The following DNASE2 variants were observed in gnomAD, a reference collection of about 807,000 sequenced individuals.
DNASE2 encodes the protein deoxyribonuclease-2-alpha.
DNASE2 carries 26 observed loss-of-function variants against 29.8 expected under a neutral mutation model. The ratio of observed to expected loss-of-function variants is 0.87; its 90% CI spans 0.64 to 1.21. The LOEUF is 1.21. Among genes scored for constraint, DNASE2 ranks in the 50% most tolerant of loss-of-function variants. DNASE2 has a pLI of 0.00. For synonymous variants in DNASE2, 186 were observed against 193.5 expected (o/e 0.96, Z 0.32); for missense variants, 415 against 455.6 (o/e 0.91, Z 0.81).
intron 5 of DNASE2, 144 bp from the exon 6 acceptor site, chr19:12,876,507 T>C: frequency 7.6e-7 from 1 of 1,322,958 alleles, no homozygotes; most frequent in Non-Finnish European, 1.0e-6. Context: ...TCGCCCAGGC[T>C]AGAGTGCATT....
chr19:12,881,256 C>G, intron 1 of DNASE2, 34 bp downstream of exon 1: 1 of 1,593,126 alleles, frequency 6.3e-7, no homozygotes, highest in East Asian at 2.3e-5. Flanking sequence ...AGCCGGACCC[C>G]GGGGCGATGG....
rs758290259 is a variant in DNASE2, at chr19:12,875,538, C to T, written c.*452G>A. The T allele has an allele frequency of 1.2e-4, 21 of 172,290 alleles. No individual in the cohort carries two copies. The highest frequency in any genetic ancestry group is 2.3e-4 in the Non-Finnish European group (18 of 79,468). 10.7% of individuals were successfully genotyped at this position (172,290 alleles called of 1,614,324 possible). ...TCCCGAGGAGCTAGGACCACAGACG[C>T]GTGCCACCATGTCTGGCTAATTTTT... On this transcript the variant is annotated 3_prime_UTR_variant, in exon 6 of 6. Transcript: ENST00000222219.
chr19:12,881,022 C>A lies in DNASE2; in HGVS notation c.217G>T (p.Gly73Trp). 6.2e-7 allele frequency: 1 copy of A among 1,613,954 alleles called. No individual in the cohort carries two copies. The highest frequency in any genetic ancestry group is 8.5e-7 in the Non-Finnish European group (1 of 1,180,018). Residue 73 changes from glycine (G) to tryptophan (W), a missense_variant, in exon 2 of 6, where the codon GGG becomes TGG. Coordinates refer to ENST00000222219, the MANE Select transcript of DNASE2 (RefSeq NM_001375.3). ...GGCTGCAGGCTTCGGCCCACGGCCC[C>A]CTCCGGGCTGTTGATGAGTGCCCTG... Reference protein sequence around the residue: ...DGRALINSPEGAVGRSLQPLY... With the variant: ...DGRALINSPEWAVGRSLQPLY...
chr19:12,881,438 G>C lies in DNASE2; in HGVS notation c.-63C>G. ...GACTGCGGGGCGCTGGGTTACATCAGAGGCCAGGACTGGCACCTGGCGCCT... is the reference window on the plus strand; with the variant it reads ...GACTGCGGGGCGCTGGGTTACATCACAGGCCAGGACTGGCACCTGGCGCCT... On this transcript the variant is annotated 5_prime_UTR_variant, in exon 1 of 6. Coordinates refer to ENST00000222219, the MANE Select transcript of DNASE2 (RefSeq NM_001375.3). 3.2e-6 allele frequency: 5 copies of C among 1,545,034 alleles called. No homozygotes were observed. Among genetic ancestry groups the C allele is most frequent in the Non-Finnish European group, 4.4e-6 (5 of 1,144,816 alleles).
At chr19:12,880,689 A>C (rs1303226440) in intron 3 of DNASE2, 113 bp downstream of exon 3, 1 of 1,405,458 alleles carries the variant, frequency 7.1e-7, no homozygotes, top group African/African-American at 1.4e-5. Flanking sequence ...GTTGGGGGGA[A>C]TAGATGCCCA....
intron 5 of DNASE2, 26 bp from the exon 6 acceptor site, chr19:12,876,389 G>T: frequency 6.2e-7 from 1 of 1,606,506 alleles, no homozygotes; most frequent in South Asian, 1.1e-5. Flanking sequence ...AGAGGGCACA[G>T]GTAGGGTCAG....
chr19:12,880,132 C>T (rs1385509129), intron 3 of DNASE2, among the ~76,000 whole-genome samples: 5 of 133,930 alleles, frequency 3.7e-5, no homozygotes, highest in African/African-American at 1.4e-4. Context: ...AAAAGCCAGG[C>T]GTGGTGGGGG....
intron 5 of DNASE2, chr19:12,877,925 A>G (rs1970338535): frequency 1.0e-5 from 3 of 297,818 alleles, no homozygotes; most frequent in African/African-American, 6.6e-5. Flanking sequence ...AGCTCACTGC[A>G]GTCTGAAACT....
At chr19:12,878,625 G>T in intron 4 of DNASE2, 45 bp downstream of exon 4, 1 of 1,613,828 alleles carries the variant, frequency 6.2e-7, no homozygotes. Flanking sequence ...TCCAGGTTCT[G>T]GTCAGTAAAC....
chr19:12,878,303 G>T, intron 5 of DNASE2, 79 bp downstream of exon 5: 2 of 1,565,658 alleles, frequency 1.3e-6, no homozygotes, highest in South Asian at 2.2e-5. Flanking sequence ...CTCTACCGCT[G>T]ACTTGAACTC....
rs1263643234 is a variant in DNASE2 at position 12,881,338 on chromosome 19, G to A, written c.38C>T (p.Pro13Leu). The A allele has an allele frequency of 6.4e-7, 1 of 1,568,634 alleles. No homozygotes were observed. Among genetic ancestry groups the A allele is most frequent in the Non-Finnish European group, 8.6e-7 (1 of 1,157,858 alleles). Reference sequence around the variant, plus strand: ...CCCGTAGCAGGTCAGGGCCCCGGCGGGGACGCACAGCAGCGCTGCCAGCAG... The same window carrying A: ...CCCGTAGCAGGTCAGGGCCCCGGCGAGGACGCACAGCAGCGCTGCCAGCAG... ...PLLLAALLCV[P>L]AGALTCYGDS... is the part of the protein sequence containing the mutation. Residue 13 changes from proline (P) to leucine (L), a missense_variant, in exon 1 of 6, where the codon CCC becomes CTC. Physicochemically the swap from Pro to Leu is moderately conservative, Grantham distance 98 (BLOSUM62 -3). Coordinates refer to ENST00000222219, the MANE Select transcript of DNASE2 (RefSeq NM_001375.3).
rs770330774 is a variant in DNASE2 at position 12,880,806 on chromosome 19, C to T, written c.342G>A (p.Thr114=). The change falls in exon 3 of 6, where the codon ACG becomes ACA. Residue 114 remains threonine, a synonymous_variant. Coordinates refer to ENST00000222219, the MANE Select transcript of DNASE2 (RefSeq NM_001375.3). The stretch of plus-strand genomic sequence containing the variant: ...AGCCCCCAATCCAGGCCTCACCCTT[C>T]GTGTGCCCACGCATGGAAGAGTCCT... ...KAQDSSMRGH[T]KGVLLLDHDG... is the part of the protein sequence containing the mutation. 6 of 1,614,124 alleles carry T rather than the reference C, an allele frequency of 3.7e-6. No homozygotes were observed. The highest frequency in any genetic ancestry group is 2.7e-5 in the African/African-American group (2 of 74,940).
chr19:12,878,868 C>A, intron 3 of DNASE2, 34 bp from the exon 4 acceptor site: 1 of 1,595,826 alleles, frequency 6.3e-7, no homozygotes, highest in Non-Finnish European at 8.5e-7. Context: ...GGAGGTCGGG[C>A]GCAGTGGCTC....
At chr19:12,880,465 CTGGCCAACA>C (rs1453457333) in intron 3 of DNASE2, among the ~76,000 whole-genome samples, 2 of 152,154 alleles carry the variant, frequency 1.3e-5, no homozygotes, top group East Asian at 3.9e-4. Context: ...CGAGACCAGC[CTGGCCAACA>C]TGGTGAAACC....
chr19:12,878,937 G>C lies in DNASE2; in HGVS notation c.347-103C>G, dbSNP rs1005504433. ...ACACACAGATCACCTGAGGTCAGGA[G>C]TTAGAAATCAGCCTGGCCAACATGG... is the stretch of plus-strand genomic sequence containing the variant. On this transcript the variant is annotated intron_variant, in intron 3 of 5. Coordinates refer to ENST00000222219, the MANE Select transcript of DNASE2 (RefSeq NM_001375.3). The C allele has an allele frequency of 1.1e-5, 16 of 1,418,372 alleles. No homozygotes were observed. The Admixed American group carries it at 2.4e-4, about 21-fold the overall frequency. The allele number at this position is 1,418,372 out of a possible 1,614,324, so 87.9% of individuals were successfully genotyped here. A position where few individuals can be genotyped will look rare whatever the true frequency, so the allele number is the denominator to read the frequency against.
At position 12,876,187 on chromosome 19, in the gene DNASE2, A is replaced by G; in HGVS notation, c.886T>C (p.Ser296Pro). ...CCTTTTGGGGACACGCACCATTTGGAGTGGTCCTCTGTGCTGTTGAAGCTT... is the reference window on the plus strand; with the variant it reads ...CCTTTTGGGGACACGCACCATTTGGGGTGGTCCTCTGTGCTGTTGAAGCTT... ...GPSFNSTEDHSKWCVSPKGPW... is the reference protein window; with the variant it reads ...GPSFNSTEDHPKWCVSPKGPW... The change falls in exon 6 of 6, where the codon TCC (serine) becomes CCC (proline). Residue 296 changes from serine (S) to proline (P), a missense_variant. Transcript: ENST00000222219. 1 of 1,614,128 alleles carries G rather than the reference A, an allele frequency of 6.2e-7. No homozygotes were observed. Among genetic ancestry groups the G allele is most frequent in the Non-Finnish European group, 8.5e-7 (1 of 1,180,018 alleles).
Position 12,875,949 on chromosome 19 carries a change from C to G in DNASE2, c.*41G>C. The G allele has an allele frequency of 6.2e-7, 1 of 1,608,450 alleles. No homozygotes were observed. The highest frequency in any genetic ancestry group is 8.5e-7 in the Non-Finnish European group (1 of 1,179,384). On this transcript the variant is annotated 3_prime_UTR_variant, in exon 6 of 6. Coordinates refer to ENST00000222219, the MANE Select transcript of DNASE2 (RefSeq NM_001375.3). ...CCTCCCTCCTTGGCTTCCCAAAGTG[C>G]TGGGATTACATACGTGAGCCACTGC...
In DNASE2 at chr19:12,881,057, C is replaced by T. The variant is rs1487465856; in HGVS notation, c.182G>A (p.Trp61Ter). Reference sequence around the variant, plus strand: ...GTTGATGAGTGCCCTGCCGTCCCGCCAGCCTCCGGAGCTCTCGTCCAGATA... The same window carrying T: ...GTTGATGAGTGCCCTGCCGTCCCGCTAGCCTCCGGAGCTCTCGTCCAGATA... ...YKYLDESSGG[W>*]RDGRALINSP... The change falls in exon 2 of 6, where the codon TGG becomes TAG. Residue 61 changes from tryptophan to a stop codon, truncating the protein, a stop_gained. Transcript: ENST00000222219. LOFTEE classifies it high-confidence loss of function. 1 of 1,613,096 alleles carries T rather than the reference C, an allele frequency of 6.2e-7. No individual in the cohort carries two copies. Among genetic ancestry groups the T allele is most frequent in the Non-Finnish European group, 8.5e-7 (1 of 1,180,012 alleles).
Position 12,881,090 on chromosome 19 carries a change from T to C in DNASE2, c.149A>G (p.Gln50Arg). 3.1e-6 allele frequency: 5 copies of C among 1,612,308 alleles called. No homozygotes were observed. The South Asian group carries it at 5.5e-5, about 18-fold the overall frequency. The change falls in exon 2 of 6, where the codon CAG becomes CGG. Residue 50 changes from glutamine to arginine, a missense_variant. Coordinates refer to ENST00000222219, the MANE Select transcript of DNASE2 (RefSeq NM_001375.3). ...GGAGCTCTCGTCCAGATACTTGTAC[T>C]GCAGCCCTCTCTGCGCCGCCTCCCC... ...GSGEAAQRGL[Q>R]YKYLDESSGG...
Sources: allele counts gnomAD v4.1 joint callset (sites outside exome capture counted in the v4.1 genomes callset), GRCh38; gene constraint gnomAD v4.1.1; transcripts MANE v1.5; gene names NCBI Gene and HGNC (gene_info 2026-07-23, HGNC 2026-07-21).